RGS6: variants seen among roughly 807,000 people sequenced by gnomAD.
RGS6 encodes the protein regulator of G protein signaling 6.
A neutral mutation model predicts 78.5 loss-of-function variants in RGS6; 30 were observed. The observed-to-expected ratio is 0.38, with a 90% CI of 0.29 to 0.52. The LOEUF is 0.52. Among genes scored for constraint, RGS6 ranks in the 20% least tolerant of loss-of-function variants. The pLI is 0.85. For synonymous variants in RGS6, 206 were observed against 206.0 expected, an observed-to-expected ratio of 1.00 and a Z score of 0.00; for missense variants, 495 against 609.7, an observed-to-expected ratio of 0.81 and a Z score of 1.98.
At chr14:72,026,274 G>A (rs1296756374) in intron 2 of RGS6, among the ~76,000 whole-genome samples, 2 of 152,090 alleles carry the variant, frequency 1.3e-5, no homozygotes, top group African/African-American at 4.8e-5. Flanking sequence ...GGGCATGGTG[G>A]CACATGTCTG....
chr14:72,486,669 C>T (rs1256885044), intron 12 of RGS6, among the ~76,000 whole-genome samples: 1 of 152,172 alleles, frequency 6.6e-6, no homozygotes, highest in Non-Finnish European at 1.5e-5. Context: ...GCTGGACAGC[C>T]TAGGCACAAA....
At chr14:71,929,592 A>G (rs1176321135), upstream of RGS6, among the ~76,000 whole-genome samples, 1 of 152,220 alleles carries the variant, frequency 6.6e-6, no homozygotes, top group Non-Finnish European at 1.5e-5. Flanking sequence ...TTAATGATGT[A>G]TTAATGAACA....
chr14:72,264,707 T>C (rs1406215181), intron 2 of RGS6, among the ~76,000 whole-genome samples: 1 of 152,216 alleles, frequency 6.6e-6, no homozygotes, highest in East Asian at 1.9e-4. Context: ...GTTTACCACT[T>C]AGAATCATGG....
At chr14:72,012,866 G>T (rs897126528) in intron 2 of RGS6, among the ~76,000 whole-genome samples, 2 of 152,146 alleles carry the variant, frequency 1.3e-5, no homozygotes, top group African/African-American at 4.8e-5. Flanking sequence ...GGGTGGTTGT[G>T]AGCAAACAAT....
intron 3 of RGS6, among the ~76,000 whole-genome samples, chr14:72,450,276 A>G (rs1173432285): frequency 2.6e-5 from 4 of 152,284 alleles, no homozygotes; most frequent in South Asian, 4.1e-4. Flanking sequence ...TGAATGAGCC[A>G]TAATTTATTT....
intron 2 of RGS6, among the ~76,000 whole-genome samples, chr14:72,303,869 A>G (rs1053603234): frequency 6.6e-6 from 1 of 152,164 alleles, no homozygotes; most frequent in Non-Finnish European, 1.5e-5. Context: ...TCATTTCTCT[A>G]TTGTAAGACT....
At chr14:72,446,068 G>C (rs2095355901) in intron 3 of RGS6, among the ~76,000 whole-genome samples, 1 of 152,214 alleles carries the variant, frequency 6.6e-6, no homozygotes, top group African/African-American at 2.4e-5. Flanking sequence ...AGACCAGCCT[G>C]AGTAACATAA....
chr14:72,198,087 G>T (rs140019591), intron 2 of RGS6, among the ~76,000 whole-genome samples: 1 of 152,036 alleles, frequency 6.6e-6, no homozygotes. Flanking sequence ...TTGGCTGGGC[G>T]CAGCGGCTCA....
chr14:72,449,863 C>T (rs2095450038), intron 3 of RGS6, among the ~76,000 whole-genome samples: 1 of 152,196 alleles, frequency 6.6e-6, no homozygotes, highest in East Asian at 1.9e-4. Flanking sequence ...CTTTGAGTCT[C>T]CTGGCCCTTT....
At chr14:72,520,420 G>C (rs2153464731) in intron 15 of RGS6, among the ~76,000 whole-genome samples, 1 of 152,308 alleles carries the variant, frequency 6.6e-6, no homozygotes, top group East Asian at 1.9e-4. Flanking sequence ...CATGGATTGT[G>C]TGGTGCTCTC....
intron 3 of RGS6, among the ~76,000 whole-genome samples, chr14:72,395,397 G>A (rs1364819085): frequency 6.6e-6 from 1 of 151,932 alleles, no homozygotes; most frequent in Admixed American, 6.6e-5. Flanking sequence ...TATAAAAATG[G>A]AATCATACTC....
chr14:72,096,136 G>A lies in RGS6; in HGVS notation c.84+131261G>A, dbSNP rs552611535. Among the ~76,000 whole-genome samples, 73 of 152,176 alleles carry A rather than the reference G, an allele frequency of 4.8e-4. 1 individual carries two copies. The highest frequency in any genetic ancestry group is 7.9e-4 in the African/African-American group (33 of 41,516). On this transcript the variant is annotated intron_variant, in intron 2 of 17. Transcript: ENST00000553525. ...AATACAAAAAAAATTAGCTGAGTGC[G>A]GTGGCACGCACCTGTAATCCTAGCT...
chr14:72,264,803 G>A (rs780054029), intron 2 of RGS6, among the ~76,000 whole-genome samples: 18 of 152,154 alleles, frequency 1.2e-4, no homozygotes, highest in Middle Eastern at 3.2e-3. Flanking sequence ...TTGCTAATGC[G>A]CCTGCCAACT....
At chr14:72,540,183 T>C (rs2097304962) in intron 17 of RGS6, 89 bp downstream of exon 17, 1 of 1,516,754 alleles carries the variant, frequency 6.6e-7, no homozygotes, top group African/African-American at 1.4e-5. Flanking sequence ...CCTTTGGTTG[T>C]TGTTTCCTTT....
At chr14:71,910,897 A>T in the RGS6 span, among the ~76,000 whole-genome samples, 1 of 152,026 alleles carries the variant, frequency 6.6e-6, no homozygotes, top group Admixed American at 6.5e-5. Context: ...GGACAGTGAC[A>T]GGGTGTGGAT....
At chr14:72,259,693 G>A (rs59173848) in intron 2 of RGS6, among the ~76,000 whole-genome samples, 1,942 of 151,320 alleles carry the variant, frequency 0.013, 52 homozygotes, top group African/African-American at 0.045. Context: ...GGATCACGAG[G>A]TCAGGAGATC....
chr14:72,118,284 C>G (rs1354052218), intron 2 of RGS6, among the ~76,000 whole-genome samples: 1 of 152,146 alleles, frequency 6.6e-6, no homozygotes, highest in Non-Finnish European at 1.5e-5. Context: ...TGTCCAGTTA[C>G]TACCTATAAT....
At chr14:72,326,294 G>A (rs1315396909) in intron 2 of RGS6, among the ~76,000 whole-genome samples, 9 of 152,140 alleles carry the variant, frequency 5.9e-5, no homozygotes, top group Non-Finnish European at 1.5e-5. Context: ...ATTGTAAAAT[G>A]GCAATAGTAA....
chr14:72,411,944 T>C (rs2093445615), intron 3 of RGS6, among the ~76,000 whole-genome samples: 1 of 152,206 alleles, frequency 6.6e-6, no homozygotes, highest in South Asian at 2.1e-4. Flanking sequence ...ATAAGCTTTT[T>C]GATGTGTTGC....
Sources: allele counts gnomAD v4.1 joint callset (sites outside exome capture counted in the v4.1 genomes callset), GRCh38; gene constraint gnomAD v4.1.1; transcripts MANE v1.5; gene names NCBI Gene and HGNC (gene_info 2026-07-23, HGNC 2026-07-21).